ZNF618: variants seen among roughly 807,000 people sequenced by gnomAD.
The protein encoded by ZNF618 is neural precursor cell expressed, developmentally down-regulated 10.
A neutral mutation model predicts 103.0 loss-of-function variants in ZNF618; 34 were observed. That is an observed-to-expected ratio of 0.33 (90% CI 0.25 to 0.44). The LOEUF is 0.44. Ranked by LOEUF, ZNF618 falls within the 20% of genes least tolerant of loss-of-function variation. The pLI is 1.00. For missense variants in ZNF618, 1,059 were observed against 1,295.4 expected, an observed-to-expected ratio of 0.82 and a Z score of 2.80; for synonymous variants, 551 against 542.2, an observed-to-expected ratio of 1.02 and a Z score of -0.23.
chr9:114,030,576 C>T (rs963318810), intron 11 of ZNF618, among the ~76,000 whole-genome samples: 3 of 152,198 alleles, frequency 2.0e-5, no homozygotes, highest in African/African-American at 7.2e-5. Context: ...AGGCTGCCTT[C>T]ATGTGCCTTG....
At chr9:114,042,925 A>G (rs1301117074) in intron 13 of ZNF618, among the ~76,000 whole-genome samples, 1 of 152,122 alleles carries the variant, frequency 6.6e-6, no homozygotes, top group East Asian at 1.9e-4. Context: ...GGCAGGTAAC[A>G]CCTGCTTTCT....
rs538829857 is a variant in ZNF618, at chr9:113,987,893, A to AT, written c.78-420dup. Among the ~76,000 whole-genome samples the AT allele has an allele frequency of 2.2e-4, 25 of 112,058 alleles. No homozygotes were observed. In the South Asian group the frequency reaches 2.3e-3, roughly 11 times the overall value. 73.5% of individuals were successfully genotyped at this position (112,058 alleles called of 152,430 possible). On this transcript the variant is annotated intron_variant, in intron 2 of 14. Transcript: ENST00000374126. ...CCAGAACAGCTGAGCCAGAATCTGC[A>AT]TTTTTTTTCAAGATCCCCCCCAGCT...
chr9:113,944,079 C>T (rs1834786184), intron 1 of ZNF618, among the ~76,000 whole-genome samples: 1 of 152,146 alleles, frequency 6.6e-6, no homozygotes, highest in South Asian at 2.1e-4. Context: ...CTGCTCACAC[C>T]TCGCCCTGCA....
At chr9:113,914,266 C>G (rs1445377826) in intron 1 of ZNF618, among the ~76,000 whole-genome samples, 1 of 152,130 alleles carries the variant, frequency 6.6e-6, no homozygotes, top group Non-Finnish European at 1.5e-5. Flanking sequence ...GTCGGGTTTC[C>G]TTAAACCAAA....
intron 2 of ZNF618, among the ~76,000 whole-genome samples, chr9:113,979,064 AG>A (rs1838741074): frequency 6.6e-6 from 1 of 152,222 alleles, no homozygotes; most frequent in Non-Finnish European, 1.5e-5. Context: ...CACCTGCCAG[AG>A]GACCAAGCAC....
chr9:113,904,637 A>C (rs1030417591), intron 1 of ZNF618, among the ~76,000 whole-genome samples: 3 of 152,226 alleles, frequency 2.0e-5, no homozygotes, highest in African/African-American at 4.8e-5. Flanking sequence ...ATTGTCTTGT[A>C]ATTCTGGAGA....
intron 1 of ZNF618, among the ~76,000 whole-genome samples, chr9:113,923,526 A>G (rs1388545731): frequency 6.6e-6 from 1 of 152,140 alleles, no homozygotes; most frequent in Non-Finnish European, 1.5e-5. Flanking sequence ...TGTTAAATGC[A>G]CATCTATGAT....
In ZNF618 at chr9:113,988,563, G is replaced by A. The variant is rs373189058; in HGVS notation, c.320G>A (p.Arg107His). 26 of 1,607,818 alleles carry A rather than the reference G, an allele frequency of 1.6e-5. No individual in the cohort carries two copies. Among genetic ancestry groups the A allele is most frequent in the African/African-American group, 9.3e-5 (7 of 74,902 alleles). The change falls in exon 3 of 15, where the codon CGC becomes CAC. Residue 107 changes from arginine to histidine, a missense_variant. Transcript: ENST00000374126. ...ATCTGCGTGGTGATCGGCGGCGTCC[G>A]CAACCAGCAGACCCTTGGTGAGTGC... ...AEICVVIGGVRNQQTLDGKAP... is the reference protein window; with the variant it reads ...AEICVVIGGVHNQQTLDGKAP...
chr9:114,049,249 C>T lies in ZNF618; in HGVS notation c.1947C>T (p.Ser649=). ...ALNSVVQSVL[S]KRTLQARSMH... is the part of the protein sequence containing the mutation. ...ACTCGGTGGTGCAGAGCGTGCTGAG[C>T]AAGCGGACACTGCAGGCCCGCAGCA... Residue 649 remains serine, a synonymous_variant, in exon 15 of 15, where the codon AGC becomes AGT. Coordinates refer to ENST00000374126, the MANE Select transcript of ZNF618 (RefSeq NM_001318042.2). The T allele has an allele frequency of 6.2e-7, 1 of 1,612,922 alleles. No homozygotes were observed. Among genetic ancestry groups the T allele is most frequent in the Non-Finnish European group, 8.5e-7 (1 of 1,179,620 alleles).
chr9:113,924,047 G>A (rs958795234), intron 1 of ZNF618, among the ~76,000 whole-genome samples: 22 of 151,992 alleles, frequency 1.4e-4, no homozygotes, highest in Admixed American at 1.3e-4. Context: ...GAATGAGTTA[G>A]GAAGTTTTCT....
At chr9:113,893,874 ATTTTCTG>A (rs1829820738) in intron 1 of ZNF618, among the ~76,000 whole-genome samples, 1 of 151,992 alleles carries the variant, frequency 6.6e-6, no homozygotes, top group Non-Finnish European at 1.5e-5. Context: ...CCACCTGCCC[ATTTTCTG>A]GCATTTATTG....
intron 2 of ZNF618, among the ~76,000 whole-genome samples, chr9:113,976,302 T>A (rs1838463425): frequency 6.6e-6 from 1 of 152,194 alleles, no homozygotes. Flanking sequence ...GTAAGAAAGT[T>A]CTTCTTGTGA....
At chr9:113,882,301 G>A (rs530696598) in intron 1 of ZNF618, among the ~76,000 whole-genome samples, 1 of 152,308 alleles carries the variant, frequency 6.6e-6, no homozygotes, top group East Asian at 1.9e-4. Flanking sequence ...TGTGACTTCG[G>A]GAAAGTCACT....
chr9:113,889,343 CTCTT>C (rs1554718033), intron 1 of ZNF618, among the ~76,000 whole-genome samples: 1 of 150,960 alleles, frequency 6.6e-6, no homozygotes, highest in Non-Finnish European at 1.5e-5. Flanking sequence ...CTCTCTCTCT[CTCTT>C]TCTCTCCCTC....
chr9:114,028,107 T>C (rs752932926), intron 10 of ZNF618: 3 of 152,456 alleles, frequency 2.0e-5, no homozygotes, highest in Non-Finnish European at 2.9e-5. Flanking sequence ...GACTCCAGCT[T>C]CTACGGACTT....
intron 1 of ZNF618, among the ~76,000 whole-genome samples, chr9:113,938,433 G>T (rs1834227468): frequency 6.6e-6 from 1 of 151,708 alleles, no homozygotes. Flanking sequence ...CTCCCTTGTT[G>T]GCTGCCTCAA....
chr9:114,040,268 G>T (rs147792026), intron 13 of ZNF618, among the ~76,000 whole-genome samples: 113 of 152,128 alleles, frequency 7.4e-4, no homozygotes, highest in African/African-American at 2.5e-3. Context: ...GCAGAACTGG[G>T]TTCATATCCA....
chr9:113,978,331 G>A (rs565816437), intron 2 of ZNF618, among the ~76,000 whole-genome samples: 4 of 152,264 alleles, frequency 2.6e-5, no homozygotes, highest in African/African-American at 9.6e-5. Context: ...TTTTTCCCAC[G>A]ATGGCTTCTC....
chr9:113,912,458 A>G (rs1831640206), intron 1 of ZNF618, among the ~76,000 whole-genome samples: 1 of 152,198 alleles, frequency 6.6e-6, no homozygotes, highest in Non-Finnish European at 1.5e-5. Flanking sequence ...ATGGTGAATC[A>G]TTTTAAATGT....
Sources: allele counts gnomAD v4.1 joint callset (sites outside exome capture counted in the v4.1 genomes callset), GRCh38; gene constraint gnomAD v4.1.1; transcripts MANE v1.5; gene names NCBI Gene and HGNC (gene_info 2026-07-23, HGNC 2026-07-21).